COL28A1: variants seen among roughly 807,000 people sequenced by gnomAD.
The protein encoded by COL28A1 is collagen alpha-1(XXVIII) chain.
In COL28A1, 161 loss-of-function variants were observed where a neutral mutation model predicts 150.2. The observed-to-expected ratio is 1.07, with a 90% CI of 0.94 to 1.22. The LOEUF (loss-of-function observed/expected upper bound fraction) is 1.22. COL28A1 is among the 50% of genes most tolerant of loss of function. COL28A1 has a pLI of 0.00. For missense variants in COL28A1, 1,617 were observed against 1,388.3 expected, an observed-to-expected ratio of 1.16 and a Z score of -2.62; for synonymous variants, 552 against 469.7, an observed-to-expected ratio of 1.18 and a Z score of -2.26.
At chr7:7,483,540 C>G (rs1355476216) in intron 13 of COL28A1, among the ~76,000 whole-genome samples, 1 of 152,144 alleles carries the variant, frequency 6.6e-6, no homozygotes, top group Non-Finnish European at 1.5e-5. Context: ...TTAGTCAAGA[C>G]ATTAGCATCA....
chr7:7,440,473 G>A (rs915641133), intron 21 of COL28A1, among the ~76,000 whole-genome samples: 1 of 152,162 alleles, frequency 6.6e-6, no homozygotes, highest in Non-Finnish European at 1.5e-5. Flanking sequence ...AGCAAAGCAA[G>A]ATTATGAAGA....
At chr7:7,518,990 C>T (rs143173053) in intron 6 of COL28A1, among the ~76,000 whole-genome samples, 1 of 152,246 alleles carries the variant, frequency 6.6e-6, no homozygotes, top group African/African-American at 2.4e-5. Flanking sequence ...ACCCAATGTC[C>T]ATTACATTTG....
At chr7:7,531,041 A>G (rs929988706) in intron 3 of COL28A1, among the ~76,000 whole-genome samples, 4 of 152,168 alleles carry the variant, frequency 2.6e-5, no homozygotes, top group Non-Finnish European at 5.9e-5. Context: ...AATGTTCATG[A>G]TTGTAGGCTG....
At chr7:7,449,217 T>A (rs561332477) in intron 18 of COL28A1, among the ~76,000 whole-genome samples, 3 of 152,242 alleles carry the variant, frequency 2.0e-5, no homozygotes, top group African/African-American at 7.2e-5. Context: ...CATAATGAAT[T>A]GAGTTTATCT....
chr7:7,401,015 T>TGTGTGTGG (rs1783166422), intron 27 of COL28A1, among the ~76,000 whole-genome samples: 1 of 150,324 alleles, frequency 6.7e-6, no homozygotes, highest in South Asian at 2.1e-4. Context: ...TGTGTGTGTG[T>TGTGTGTGG]GTGTGTGTGT....
At chr7:7,465,115 A>C (rs913372177) in intron 15 of COL28A1, among the ~76,000 whole-genome samples, 1 of 152,168 alleles carries the variant, frequency 6.6e-6, no homozygotes, top group Non-Finnish European at 1.5e-5. Flanking sequence ...AAGATGGCCG[A>C]ATAGGAACAG....
At chr7:7,440,639 G>C (rs1249718371) in intron 21 of COL28A1, 151 bp downstream of exon 21, 3 of 492,424 alleles carry the variant, frequency 6.1e-6, no homozygotes, top group Non-Finnish European at 1.1e-5. Context: ...GGAATAGTAT[G>C]TTTTCTATAG....
the COL28A1 span, among the ~76,000 whole-genome samples, chr7:7,340,014 A>T: frequency 1.3e-5 from 2 of 152,036 alleles, no homozygotes; most frequent in African/African-American, 4.8e-5. Context: ...TCATTGAGAC[A>T]AGGTCTCACT....
intron 27 of COL28A1, 98 bp from the exon 28 acceptor site, chr7:7,381,710 T>C (rs1781883454): frequency 1.1e-5 from 8 of 747,532 alleles, no homozygotes; most frequent in Admixed American, 2.1e-5. Context: ...AACTGCATTA[T>C]AGTATTATCT....
intron 31 of COL28A1, among the ~76,000 whole-genome samples, chr7:7,374,038 A>AAAAAT: frequency 1.7e-4 from 19 of 113,628 alleles, no homozygotes; most frequent in African/African-American, 5.3e-4. Flanking sequence ...AAAAAAAAAA[A>AAAAAT]ATATATATAT....
chr7:7,451,934 C>A (rs1309760864), intron 18 of COL28A1, among the ~76,000 whole-genome samples: 1 of 152,174 alleles, frequency 6.6e-6, no homozygotes, highest in Non-Finnish European at 1.5e-5. Context: ...GAGCGCTCAA[C>A]TGGCTCTCTA....
At chr7:7,401,476 C>A (rs1293683547) in intron 27 of COL28A1, among the ~76,000 whole-genome samples, 3 of 152,136 alleles carry the variant, frequency 2.0e-5, no homozygotes, top group Non-Finnish European at 4.4e-5. Flanking sequence ...TTTCTGATTT[C>A]TCAACACCTA....
At chr7:7,364,947 GA>G (rs1353358566) in intron 33 of COL28A1, among the ~76,000 whole-genome samples, 1 of 152,144 alleles carries the variant, frequency 6.6e-6, no homozygotes, top group Non-Finnish European at 1.5e-5. Context: ...GATATGCAAA[GA>G]GCGAAAGAGA....
intron 16 of COL28A1, among the ~76,000 whole-genome samples, chr7:7,454,523 G>A (rs1786984045): frequency 1.3e-5 from 2 of 152,082 alleles, no homozygotes; most frequent in South Asian, 4.1e-4. Flanking sequence ...AGAAAAGGGG[G>A]TAAGAAAATG....
At position 7,529,039 on chromosome 7, in the gene COL28A1, C is replaced by G. The variant is rs576732354; in HGVS notation, c.681+2309G>C. ...GTTCTGGGCCCGGCGCGATGGCTCA[C>G]ACCTGTAATCCCAACACTTTGGGAG... On this transcript the variant is annotated intron_variant, in intron 3 of 34. Transcript: ENST00000399429. Among the ~76,000 whole-genome samples, 14 of 152,158 alleles carry G rather than the reference C, an allele frequency of 9.2e-5. No individual in the cohort carries two copies. The South Asian group carries it at 2.9e-3, about 32-fold the overall frequency.
intron 27 of COL28A1, among the ~76,000 whole-genome samples, chr7:7,385,683 A>G (rs1443075525): frequency 1.3e-5 from 2 of 152,204 alleles, no homozygotes; most frequent in Non-Finnish European, 2.9e-5. Flanking sequence ...GAGGGAAAAA[A>G]CATTAGAGTA....
chr7:7,493,001 T>TATACATATATAATACATATATA (rs1470944814), intron 11 of COL28A1, among the ~76,000 whole-genome samples: 1 of 147,914 alleles, frequency 6.8e-6, no homozygotes, highest in African/African-American at 2.5e-5. Flanking sequence ...ATATAATATA[T>TATACATATATAATACATATATA]ATACATATAT....
rs1785999215 is a variant in COL28A1, at chr7:7,443,724, C to T, written c.1582-71G>A. On this transcript the variant is annotated intron_variant, in intron 19 of 34. Transcript: ENST00000399429. ...GACTGTACGTATCATCCCACCTTGT[C>T]TCCTTTTATCATTAGTGGATTCAGC... 3 of 1,585,050 alleles carry T rather than the reference C, an allele frequency of 1.9e-6. No individual in the cohort carries two copies. In the African/African-American group the frequency reaches 4.0e-5, roughly 21 times the overall value.
intron 15 of COL28A1, among the ~76,000 whole-genome samples, chr7:7,459,885 C>T (rs192116824): frequency 1.3e-5 from 2 of 152,216 alleles, no homozygotes; most frequent in South Asian, 4.1e-4. Context: ...ATAATTATAT[C>T]TGAGCACAGA....
Sources: gnomAD v4.1 joint callset for allele counts (sites outside exome capture counted in the v4.1 genomes callset) on GRCh38, gnomAD v4.1.1 for gene constraint, MANE v1.5 for transcripts, NCBI Gene and HGNC (gene_info 2026-07-23, HGNC 2026-07-21) for gene names.